CHLSN: variants seen among roughly 807,000 people sequenced by gnomAD.
The protein encoded by CHLSN is cholesin.
At chr7:1,023,154 G>A in the CHLSN span, 1 of 368,656 alleles carries the variant, frequency 2.7e-6, no homozygotes, top group South Asian at 1.9e-5. This position sits in a 1 kb window ranked among gnomAD's most constrained non-coding sequence, Gnocchi z 5.0. Flanking sequence ...AACGCGTGAG[G>A]TCTGATGCAC....
At chr7:1,053,058 C>T in the CHLSN span, among the ~76,000 whole-genome samples, 26 of 152,190 alleles carry the variant, frequency 1.7e-4, no homozygotes, top group African/African-American at 6.0e-4. Context: ...GAAGGCACAG[C>T]GGGCCTGCCC....
chr7:1,016,536 AAGCAGCGCACGCCAGCGCAC>A, the CHLSN span, among the ~76,000 whole-genome samples: 5 of 53,388 alleles, frequency 9.4e-5, no homozygotes, highest in African/African-American at 1.4e-4. Flanking sequence ...CACCAGCACA[AAGCAGCGCACGCCAGCGCAC>A]AGCAGCGCAC....
At chr7:1,105,979 A>G in the CHLSN span, among the ~76,000 whole-genome samples, 1 of 151,748 alleles carries the variant, frequency 6.6e-6, no homozygotes, top group Non-Finnish European at 1.5e-5. Context: ...AGAGGAGCAC[A>G]CGGAGGGGAG....
At chr7:1,089,908 C>G in the CHLSN span, among the ~76,000 whole-genome samples, 1 of 150,930 alleles carries the variant, frequency 6.6e-6, no homozygotes, top group Non-Finnish European at 1.5e-5. Flanking sequence ...CATGGTAAAA[C>G]CCCATCTCTA....
At chr7:1,009,885 G>T in the CHLSN span, 3 of 1,354,934 alleles carry the variant, frequency 2.2e-6, no homozygotes, top group South Asian at 1.4e-5. Flanking sequence ...TGAAGGCTTC[G>T]ACCCCCTCAG....
the CHLSN span, among the ~76,000 whole-genome samples, chr7:1,081,399 C>A: frequency 2.0e-5 from 3 of 152,256 alleles, no homozygotes; most frequent in Non-Finnish European, 4.4e-5. Context: ...CAGAATTCTT[C>A]CCTTTCCTTG....
At chr7:1,108,506 G>A in the CHLSN span, among the ~76,000 whole-genome samples, 1 of 152,218 alleles carries the variant, frequency 6.6e-6, no homozygotes, top group Non-Finnish European at 1.5e-5. Flanking sequence ...CGGGTGTGCT[G>A]ACTTGTCAAC....
At chr7:1,078,681 G>A in the CHLSN span, among the ~76,000 whole-genome samples, 1 of 152,188 alleles carries the variant, frequency 6.6e-6, no homozygotes, top group East Asian at 1.9e-4. Flanking sequence ...TCACAGGCTG[G>A]CCCAGTGAAA....
At chr7:983,237 T>C in the CHLSN span, 3 of 1,528,298 alleles carry the variant, frequency 2.0e-6, no homozygotes, top group Middle Eastern at 2.3e-4. Context: ...TTGCTGTTCC[T>C]GGGCCTCCTG....
chr7:1,001,371 CTGTGGGTGAGTGGAGT>C, the CHLSN span, among the ~76,000 whole-genome samples: 6 of 147,254 alleles, frequency 4.1e-5, no homozygotes, highest in African/African-American at 1.3e-4. Flanking sequence ...GTGGGGAGTC[CTGTGGGTGAGTGGAGT>C]CCTGTGGGTG....
the CHLSN span, among the ~76,000 whole-genome samples, chr7:978,844 C>A: frequency 5.2e-5 from 8 of 152,386 alleles, no homozygotes; most frequent in African/African-American, 1.9e-4. Flanking sequence ...TTGGGCAGGG[C>A]TTGGTGGAGA....
the CHLSN span, among the ~76,000 whole-genome samples, chr7:1,126,359 CAA>C: frequency 2.5e-5 from 1 of 40,490 alleles, no homozygotes; most frequent in Non-Finnish European, 4.8e-5. Flanking sequence ...GACTCTGTCT[CAA>C]AAAAAAAAAA....
At chr7:987,335 C>A in the CHLSN span, 1 of 1,567,004 alleles carries the variant, frequency 6.4e-7, no homozygotes, top group Non-Finnish European at 8.6e-7. Flanking sequence ...AGCGGCCCAC[C>A]CTTTGCCCCA....
the CHLSN span, among the ~76,000 whole-genome samples, chr7:984,008 C>T: frequency 7.2e-5 from 11 of 152,126 alleles, no homozygotes; most frequent in African/African-American, 2.7e-4. Flanking sequence ...TGCTGCTGGC[C>T]GGGCTGTAGC....
chr7:1,073,382 G>A, the CHLSN span, among the ~76,000 whole-genome samples: 28 of 152,226 alleles, frequency 1.8e-4, no homozygotes, highest in African/African-American at 6.3e-4. Context: ...TCCCCGCGCA[G>A]GCAGCTCCTC....
chr7:1,080,678 C>T, the CHLSN span, among the ~76,000 whole-genome samples: 1 of 152,262 alleles, frequency 6.6e-6, no homozygotes, highest in South Asian at 2.1e-4. Flanking sequence ...CAGAAATGAT[C>T]ATCTGAAAAC....
chr7:983,106 G>C, the CHLSN span: 1 of 977,190 alleles, frequency 1.0e-6, no homozygotes, highest in Non-Finnish European at 1.4e-6. Flanking sequence ...ACATTCTCGG[G>C]GTGGTGGGGT....
At chr7:1,094,256 A>C in the CHLSN span, among the ~76,000 whole-genome samples, 1 of 152,036 alleles carries the variant, frequency 6.6e-6, no homozygotes, top group Non-Finnish European at 1.5e-5. Flanking sequence ...CGCCTCACCC[A>C]CCTGGCAGCA....
the CHLSN span, among the ~76,000 whole-genome samples, chr7:1,126,445 G>A: frequency 3.6e-4 from 55 of 151,682 alleles, no homozygotes; most frequent in African/African-American, 1.1e-3. Context: ...TTGGGAGGCC[G>A]AGGTGGGTGG....
Sources: gnomAD v4.1 joint callset for allele counts (sites outside exome capture counted in the v4.1 genomes callset) on GRCh38, gnomAD v4.1.1 for gene constraint, Gnocchi (gnomAD v3.1) non-coding constraint, MANE v1.5 for transcripts, NCBI Gene and HGNC (gene_info 2026-07-23, HGNC 2026-07-21) for gene names.